The following IFT140 variants were observed in gnomAD, a reference collection of about 807,000 sequenced individuals.
IFT140 encodes the protein intraflagellar transport protein 140 homolog.
In IFT140, 133 loss-of-function variants were observed where a neutral mutation model predicts 164.6. The ratio of observed to expected loss-of-function variants is 0.81; its 90% CI spans 0.70 to 0.93. The LOEUF (loss-of-function observed/expected upper bound fraction) is 0.93. IFT140 is among the 40% of genes least tolerant of loss of function. The probability of loss-of-function intolerance (pLI) is 0.00; values close to 1 mark genes in which losing one functional copy is unlikely to be tolerated. For missense variants in IFT140, 2,045 were observed against 1,972.3 expected (o/e 1.04, Z -0.70); for synonymous variants, 860 against 817.3 (o/e 1.05, Z -0.89).
chr16:1,553,060 TC>T lies in IFT140; in HGVS notation c.2399+4874del. Reference sequence around the variant, plus strand: ...CACAGAAACCAGTCACTGTCATTGTTCAGGACAAAATGGAGATAGATAAATG... The same window carrying T: ...CACAGAAACCAGTCACTGTCATTGTTAGGACAAAATGGAGATAGATAAATG... On this transcript the variant is annotated intron_variant, in intron 19 of 30. Coordinates refer to ENST00000426508, the MANE Select transcript of IFT140 (RefSeq NM_014714.4). This position sits in a 1 kb window ranked among gnomAD's most constrained non-coding sequence, Gnocchi z 4.4. 1 of 985,436 alleles carries T rather than the reference TC, an allele frequency of 1.0e-6. No individual in the cohort carries two copies. The highest frequency in any genetic ancestry group is 1.2e-6 in the Non-Finnish European group (1 of 829,938). 61.0% of individuals were successfully genotyped at this position (985,436 alleles called of 1,614,324 possible).
In IFT140 at chr16:1,526,064, T is replaced by G. The variant is rs1219988344; in HGVS notation, c.2591A>C (p.Gln864Pro). ...TQLGMLEDAE[Q>P]LYRKCKRHDL... Reference sequence around the variant, plus strand: ...GTGGCGCTTGCACTTCCTGTACAGCTGCTCGGCGTCCTCCTGAGGAATGAG... The same window carrying G: ...GTGGCGCTTGCACTTCCTGTACAGCGGCTCGGCGTCCTCCTGAGGAATGAG... The change falls in exon 21 of 31, where the codon CAG becomes CCG. Residue 864 changes from glutamine to proline, a missense_variant. By Grantham distance (76) the Gln-to-Pro change is moderately conservative (BLOSUM62 -1). Transcript: ENST00000426508. The G allele has an allele frequency of 6.3e-7, 1 of 1,589,582 alleles. No individual in the cohort carries two copies. Among genetic ancestry groups the G allele is most frequent in the African/African-American group, 1.3e-5 (1 of 74,370 alleles).
At chr16:1,565,789 T>C (rs1046829792) in intron 16 of IFT140, among the ~76,000 whole-genome samples, 6 of 152,258 alleles carry the variant, frequency 3.9e-5, no homozygotes, top group Non-Finnish European at 7.3e-5. Flanking sequence ...GACAGACGAT[T>C]GTTCTCCCCA....
chr16:1,573,720 C>T (rs1400559257), intron 13 of IFT140, among the ~76,000 whole-genome samples: 1 of 152,174 alleles, frequency 6.6e-6, no homozygotes, highest in African/African-American at 2.4e-5. Context: ...CACTCCAGCT[C>T]TGCTGGTGGC....
Position 1,583,280 on chromosome 16 carries a change from T to C in IFT140, c.1432+34A>G, listed in dbSNP as rs976258753. On this transcript the variant is annotated intron_variant, in intron 12 of 30. Coordinates refer to ENST00000426508, the MANE Select transcript of IFT140 (RefSeq NM_014714.4). ...GCAGGGAGGAAATAAAGCCAGGTAG[T>C]GGGAGTGCCTCTGTCCGGGTGAAAA... is the stretch of plus-strand genomic sequence containing the variant. The C allele has an allele frequency of 5.7e-6, 9 of 1,588,768 alleles. No individual in the cohort carries two copies. The Admixed American group carries it at 6.7e-5, about 12-fold the overall frequency.
In IFT140 at chr16:1,553,302, G is replaced by A. The variant is rs956590312; in HGVS notation, c.2399+4633C>T. 1.9e-5 allele frequency: 19 copies of A among 983,444 alleles called. No homozygotes were observed. Among genetic ancestry groups the A allele is most frequent in the Non-Finnish European group, 2.3e-5 (19 of 828,438 alleles). The allele number at this position is 983,444 out of a possible 1,614,324, so 60.9% of individuals were successfully genotyped here. A position where few individuals can be genotyped will look rare whatever the true frequency, so the allele number is the denominator to read the frequency against. On this transcript the variant is annotated intron_variant, in intron 19 of 30. Coordinates refer to ENST00000426508, the MANE Select transcript of IFT140 (RefSeq NM_014714.4). This position sits in a 1 kb window ranked among gnomAD's most constrained non-coding sequence, Gnocchi z 4.4. Reference sequence around the variant, plus strand: ...TCTCTGTGTCTCTGCCTGTCTCTCTGTGTCTCTGTCTCTGTGTCTCTGTCC... The same window carrying A: ...TCTCTGTGTCTCTGCCTGTCTCTCTATGTCTCTGTCTCTGTGTCTCTGTCC...
intron 26 of IFT140, 49 bp from the exon 27 acceptor site, chr16:1,520,857 G>A (rs1198077098): frequency 1.3e-6 from 2 of 1,527,006 alleles, no homozygotes; most frequent in African/African-American, 1.4e-5. Flanking sequence ...GCCGGGAACT[G>A]AAGTGCGCCC....
rs1323829704 is a variant in IFT140 at position 1,583,260 on chromosome 16, G to T, written c.1432+54C>A. Reference sequence around the variant, plus strand: ...CACAGTGGCCCTCTCATTAGGCAGGGAGGAAATAAAGCCAGGTAGTGGGAG... The same window carrying T: ...CACAGTGGCCCTCTCATTAGGCAGGTAGGAAATAAAGCCAGGTAGTGGGAG... On this transcript the variant is annotated intron_variant, in intron 12 of 30. Coordinates refer to ENST00000426508, the MANE Select transcript of IFT140 (RefSeq NM_014714.4). 8 of 1,476,252 alleles carry T rather than the reference G, an allele frequency of 5.4e-6. No homozygotes were observed. The Admixed American group carries it at 1.3e-4, about 25-fold the overall frequency. The allele number at this position is 1,476,252 out of a possible 1,614,324, so 91.4% of individuals were successfully genotyped here.
At chr16:1,517,349 C>T (rs976886538) in intron 30 of IFT140, among the ~76,000 whole-genome samples, 2 of 101,900 alleles carry the variant, frequency 2.0e-5, no homozygotes, top group African/African-American at 1.2e-4. Context: ...GACTCCGTCT[C>T]CAAAAAAAAA....
chr16:1,542,467 C>G (rs1027800246), intron 19 of IFT140, among the ~76,000 whole-genome samples: 3 of 152,206 alleles, frequency 2.0e-5, no homozygotes, highest in Non-Finnish European at 4.4e-5. Flanking sequence ...TGGGGAGCAG[C>G]CCCTGGGCAG....
At chr16:1,570,604 G>A (rs548507717) in intron 14 of IFT140, among the ~76,000 whole-genome samples, 11 of 152,230 alleles carry the variant, frequency 7.2e-5, no homozygotes, top group South Asian at 2.1e-4. Context: ...CAGTTCCTTC[G>A]GCCTAAGTGC....
At chr16:1,537,810 G>A (rs547080459) in intron 19 of IFT140, among the ~76,000 whole-genome samples, 2 of 152,196 alleles carry the variant, frequency 1.3e-5, no homozygotes, top group Non-Finnish European at 2.9e-5. Flanking sequence ...AGAGCCTGGC[G>A]CTAGCTGAGG....
At chr16:1,549,240 A>C (rs1198975567) in intron 19 of IFT140, among the ~76,000 whole-genome samples, 1 of 152,230 alleles carries the variant, frequency 6.6e-6, no homozygotes, top group Non-Finnish European at 1.5e-5. Context: ...GCTGCTCTCC[A>C]CACAGAAGTC....
chr16:1,569,325 G>A (rs981095844), intron 14 of IFT140, among the ~76,000 whole-genome samples: 58 of 151,910 alleles, frequency 3.8e-4, no homozygotes, highest in African/African-American at 1.4e-3. Flanking sequence ...TCTTTTCTAT[G>A]GGACACCTGT....
intron 19 of IFT140, among the ~76,000 whole-genome samples, chr16:1,544,069 G>A (rs1385180813): frequency 6.6e-6 from 1 of 150,482 alleles, no homozygotes; most frequent in African/African-American, 2.5e-5. Flanking sequence ...CCATGCTGGA[G>A]TGCAGTGGCG....
chr16:1,520,777 T>C lies in IFT140; in HGVS notation c.3485A>G (p.Gln1162Arg). 6.2e-7 allele frequency: 1 copy of C among 1,606,670 alleles called. No homozygotes were observed. The highest frequency in any genetic ancestry group is 1.1e-5 in the South Asian group (1 of 91,032). ...YQEALQLCLG[Q>R]NMSITEEMAE... is the part of the protein sequence containing the mutation. ...CATCTCCTCGGTGATGCTCATGTTC[T>C]GCCCCAGGCACAGCTGCAGGGCTTC... The change falls in exon 27 of 31, where the codon CAG becomes CGG. Residue 1162 changes from glutamine to arginine, a missense_variant. Coordinates refer to ENST00000426508, the MANE Select transcript of IFT140 (RefSeq NM_014714.4).
At chr16:1,577,360 C>T (rs1056913900) in intron 13 of IFT140, 4 of 152,178 alleles carry the variant, frequency 2.6e-5, no homozygotes, top group African/African-American at 9.7e-5. Context: ...CTCTAGCTTA[C>T]TTTACTGTAA....
intron 17 of IFT140, among the ~76,000 whole-genome samples, chr16:1,563,442 G>C (rs1316308767): frequency 6.6e-6 from 1 of 150,832 alleles, no homozygotes; most frequent in Non-Finnish European, 1.5e-5. Flanking sequence ...GACAGAGAGA[G>C]ACTCAAAAAA....
intron 15 of IFT140, among the ~76,000 whole-genome samples, chr16:1,567,434 C>T (rs1422879677): frequency 1.1e-4 from 17 of 152,142 alleles, no homozygotes; most frequent in Non-Finnish European, 2.1e-4. Context: ...AGTCCTCACC[C>T]GCTCACTCTC....
chr16:1,526,207 G>C (rs2040690044), intron 20 of IFT140, 130 bp from the exon 21 acceptor site: 1 of 892,224 alleles, frequency 1.1e-6, no homozygotes, highest in Non-Finnish European at 1.7e-6. Context: ...CGGGGCCGCT[G>C]TGGGCACAGC....
Sources: allele counts gnomAD v4.1 joint callset (sites outside exome capture counted in the v4.1 genomes callset), GRCh38; gene constraint gnomAD v4.1.1; non-coding constraint Gnocchi (gnomAD v3.1); transcripts MANE v1.5; gene names NCBI Gene and HGNC (gene_info 2026-07-23, HGNC 2026-07-21).